The following FAM168A variants were observed in gnomAD, a reference collection of about 807,000 sequenced individuals.
FAM168A encodes family with sequence similarity 168 member A.
A neutral mutation model predicts 28.5 loss-of-function variants in FAM168A; 3 were observed. The ratio of observed to expected loss-of-function variants is 0.11; its 90% confidence interval spans 0.05 to 0.27. FAM168A has a LOEUF of 0.27. Among genes scored for constraint, FAM168A ranks in the 10% least tolerant of loss-of-function variants. The probability of loss-of-function intolerance (pLI) is 1.00; values close to 1 mark genes in which losing one functional copy is unlikely to be tolerated. For missense variants in FAM168A, 222 were observed against 311.5 expected (o/e 0.71, Z 2.16); for synonymous variants, 122 against 124.2 (o/e 0.98, Z 0.12).
intron 1 of FAM168A, among the ~76,000 whole-genome samples, chr11:73,499,241 C>T (rs527471661): frequency 3.9e-5 from 6 of 152,126 alleles, no homozygotes; most frequent in East Asian, 1.9e-4. Flanking sequence ...AGTGAACCCC[C>T]GGCAAACTGC....
intron 4 of FAM168A, among the ~76,000 whole-genome samples, chr11:73,417,125 G>A (rs1290213877): frequency 6.6e-6 from 1 of 152,166 alleles, no homozygotes; most frequent in Non-Finnish European, 1.5e-5. Context: ...GCCTCTGAAG[G>A]GAATGAGTAC....
intron 1 of FAM168A, among the ~76,000 whole-genome samples, chr11:73,526,542 TAAC>T (rs1287331954): frequency 6.6e-6 from 1 of 152,114 alleles, no homozygotes; most frequent in Admixed American, 6.6e-5. Flanking sequence ...TAAGAGTAGC[TAAC>T]TTGCTTATCT....
intron 3 of FAM168A, among the ~76,000 whole-genome samples, chr11:73,424,555 G>A (rs947896104): frequency 2.6e-5 from 4 of 152,038 alleles, no homozygotes; most frequent in African/African-American, 9.7e-5. Flanking sequence ...TCTGGGCTAA[G>A]GGAACATATT....
At chr11:73,550,660 T>C (rs1487470813) in intron 1 of FAM168A, among the ~76,000 whole-genome samples, 1 of 148,238 alleles carries the variant, frequency 6.7e-6, no homozygotes, top group Non-Finnish European at 1.5e-5. Flanking sequence ...GTCTCAAAAA[T>C]AAACAAACAA....
Position 73,421,059 on chromosome 11 carries a change from CAAAT to C in FAM168A, c.152-1064_152-1061del, listed in dbSNP as rs563454156. On this transcript the variant is annotated intron_variant, in intron 3 of 7. Transcript: ENST00000356467. ...GAATTTTAGCAACATATTTTCCACT[CAAAT>C]AAAGTCTTGGGGGGGGGGTCATGGA... is the stretch of plus-strand genomic sequence containing the variant. Among the ~76,000 whole-genome samples the C allele has an allele frequency of 2.4e-3, 301 of 124,000 alleles. 4 individuals carry two copies. The highest frequency in any genetic ancestry group is 9.5e-3 in the African/African-American group (260 of 27,346). 81.3% of individuals were successfully genotyped at this position (124,000 alleles called of 152,430 possible).
chr11:73,545,021 A>AT (rs1555035019), intron 1 of FAM168A, among the ~76,000 whole-genome samples: 1 of 91,060 alleles, frequency 1.1e-5, no homozygotes, highest in Non-Finnish European at 1.9e-5. Context: ...TATATATAGT[A>AT]TATATAATAT....
At chr11:73,504,724 C>T (rs1855073731) in intron 1 of FAM168A, among the ~76,000 whole-genome samples, 4 of 152,042 alleles carry the variant, frequency 2.6e-5, no homozygotes, top group African/African-American at 9.7e-5. Flanking sequence ...TGCAGCACTA[C>T]TGTTACAATA....
intron 1 of FAM168A, among the ~76,000 whole-genome samples, chr11:73,583,061 T>C (rs75034486): frequency 0.073 from 11,066 of 152,118 alleles, 1,204 homozygotes; most frequent in African/African-American, 0.23. Flanking sequence ...TCCCAGCACC[T>C]TGGGAGGCCA....
chr11:73,459,879 A>T (rs1371285462), intron 2 of FAM168A, among the ~76,000 whole-genome samples: 11 of 108,448 alleles, frequency 1.0e-4, no homozygotes, highest in Admixed American at 6.5e-4. Flanking sequence ...ATCCAAATGA[A>T]TTTTTTTTTT....
chr11:73,574,289 T>C (rs529522404), intron 1 of FAM168A, among the ~76,000 whole-genome samples: 1 of 152,272 alleles, frequency 6.6e-6, no homozygotes, highest in Non-Finnish European at 1.5e-5. Flanking sequence ...ATTATCTCTA[T>C]CCCAAGTTTC....
chr11:73,421,357 G>A (rs914187488), intron 3 of FAM168A, among the ~76,000 whole-genome samples: 2 of 152,210 alleles, frequency 1.3e-5, no homozygotes, highest in African/African-American at 4.8e-5. Context: ...GTTGAACCAA[G>A]GCTAGAATTA....
At chr11:73,439,961 C>T (rs1243925053) in intron 2 of FAM168A, among the ~76,000 whole-genome samples, 1 of 146,206 alleles carries the variant, frequency 6.8e-6, no homozygotes, top group African/African-American at 2.6e-5. Context: ...TCTCTGCTCA[C>T]TGCAACCTCT....
intron 1 of FAM168A, among the ~76,000 whole-genome samples, chr11:73,469,051 A>C (rs895371126): frequency 6.6e-6 from 1 of 152,230 alleles, no homozygotes; most frequent in African/African-American, 2.4e-5. Flanking sequence ...GCAGCTTTAA[A>C]AACAGAAAAG....
intron 1 of FAM168A, among the ~76,000 whole-genome samples, chr11:73,594,266 ATT>A (rs749019478): frequency 2.8e-5 from 4 of 142,784 alleles, no homozygotes; most frequent in Non-Finnish European, 4.6e-5. Context: ...CACCCAGCAA[ATT>A]TTTTTTTTTT....
chr11:73,465,436 G>A (rs1867720231), intron 2 of FAM168A, among the ~76,000 whole-genome samples: 1 of 152,156 alleles, frequency 6.6e-6, no homozygotes, highest in African/African-American at 2.4e-5. Context: ...TAGGTAAAGG[G>A]TATTCAAGTG....
In FAM168A at chr11:73,402,192, C is replaced by G. The variant is rs890762428; in HGVS notation, c.*4571G>C. 1.3e-5 allele frequency: 2 copies of G among 152,218 alleles called. No homozygotes were observed. Among genetic ancestry groups the G allele is most frequent in the East Asian group, 3.8e-4 (2 of 5,198 alleles). 9.4% of individuals were successfully genotyped at this position (152,218 alleles called of 1,614,324 possible). A position where few individuals can be genotyped will look rare whatever the true frequency, so the allele number is the denominator to read the frequency against. ...TACAGGATGGAAAAGCAGACTTCCACGTATTTTCACTTAACTGCAATTGAG... is the reference window on the plus strand; with the variant it reads ...TACAGGATGGAAAAGCAGACTTCCAGGTATTTTCACTTAACTGCAATTGAG... On this transcript the variant is annotated 3_prime_UTR_variant, in exon 8 of 8. Coordinates refer to ENST00000356467, the MANE Select transcript of FAM168A (RefSeq NM_015159.3).
At chr11:73,409,745 G>A in intron 5 of FAM168A, 84 bp from the exon 6 acceptor site, 1 of 1,390,246 alleles carries the variant, frequency 7.2e-7, no homozygotes, top group Non-Finnish European at 9.8e-7. Flanking sequence ...AAGGACACAA[G>A]GTCCGGACCC....
intron 1 of FAM168A, among the ~76,000 whole-genome samples, chr11:73,487,067 A>G (rs115585402): frequency 0.014 from 2,181 of 151,968 alleles, 48 homozygotes; most frequent in African/African-American, 0.05. Flanking sequence ...AACAGAAAAG[A>G]CCTCTTCCTT....
intron 1 of FAM168A, among the ~76,000 whole-genome samples, chr11:73,504,868 C>T (rs189038122): frequency 1.3e-5 from 2 of 152,084 alleles, no homozygotes; most frequent in Admixed American, 1.3e-4. Context: ...CATGGATGAA[C>T]CTGGGAGACA....
Sources: allele counts gnomAD v4.1 joint callset (sites outside exome capture counted in the v4.1 genomes callset), GRCh38; gene constraint gnomAD v4.1.1; transcripts MANE v1.5; gene names NCBI Gene and HGNC (gene_info 2026-07-23, HGNC 2026-07-21).